Variants in CPED1 observed in about 807,000 individuals in gnomAD.
The protein encoded by CPED1 is cadherin-like and PC-esterase domain-containing protein 1.
CPED1 carries 114 observed loss-of-function variants against 128.2 expected under a neutral mutation model. The ratio of observed to expected loss-of-function variants is 0.89; its 90% CI spans 0.76 to 1.04. The LOEUF is 1.04. CPED1 is among the 50% of genes least tolerant of loss of function. The pLI, the probability that CPED1 is intolerant of heterozygous loss-of-function variation, is 0.00. For missense variants in CPED1, 1,211 were observed against 1,207.1 expected, an observed-to-expected ratio of 1.00 and a Z score of -0.05; for synonymous variants, 462 against 426.7, an observed-to-expected ratio of 1.08 and a Z score of -1.02.
intron 18 of CPED1, among the ~76,000 whole-genome samples, chr7:121,244,713 C>T (rs1798483655): frequency 6.6e-6 from 1 of 152,356 alleles, no homozygotes; most frequent in South Asian, 2.1e-4. Context: ...GCTGTGAAAA[C>T]AGACATCTGC....
intron 16 of CPED1, among the ~76,000 whole-genome samples, chr7:121,188,298 T>C (rs931489669): frequency 6.6e-6 from 1 of 152,116 alleles, no homozygotes; most frequent in Admixed American, 6.6e-5. Flanking sequence ...GGGTACATAG[T>C]AGGTATATAT....
At chr7:121,039,903 T>G (rs1409735417) in intron 3 of CPED1, among the ~76,000 whole-genome samples, 9 of 152,116 alleles carry the variant, frequency 5.9e-5, no homozygotes, top group Non-Finnish European at 1.5e-5. Flanking sequence ...TAATGTCACT[T>G]TCTTGAACCT....
chr7:120,999,529 T>G (rs1447147825), intron 2 of CPED1, among the ~76,000 whole-genome samples: 1 of 152,172 alleles, frequency 6.6e-6, no homozygotes, highest in African/African-American at 2.4e-5. Context: ...TTTAACAGAT[T>G]GATCCTACCT....
chr7:120,994,607 T>C (rs930419055), intron 2 of CPED1, among the ~76,000 whole-genome samples: 10 of 149,910 alleles, frequency 6.7e-5, no homozygotes, highest in African/African-American at 2.5e-4. Flanking sequence ...ATTTGGAGAA[T>C]TCAAAGTATT....
At chr7:121,011,209 GA>G (rs148201816) in intron 2 of CPED1, among the ~76,000 whole-genome samples, 3,659 of 146,150 alleles carry the variant, frequency 0.025, 96 homozygotes, top group African/African-American at 0.065. Context: ...TCTGCTATGT[GA>G]AAAAAAAAAC....
chr7:121,174,746 TC>T (rs1253032378), intron 16 of CPED1, among the ~76,000 whole-genome samples: 7 of 152,166 alleles, frequency 4.6e-5, no homozygotes, highest in African/African-American at 1.7e-4. Flanking sequence ...AATAGTTTTT[TC>T]TAGTTCTATG....
intron 22 of CPED1, among the ~76,000 whole-genome samples, chr7:121,277,559 G>A (rs1414566715): frequency 3.9e-5 from 6 of 152,078 alleles, no homozygotes; most frequent in South Asian, 2.1e-4. Flanking sequence ...TTGCCTACAC[G>A]TCATCGACAA....
At chr7:121,027,719 C>T (rs965208285) in intron 3 of CPED1, among the ~76,000 whole-genome samples, 4 of 148,166 alleles carry the variant, frequency 2.7e-5, no homozygotes, top group African/African-American at 1.0e-4. Context: ...AGAATTCCAC[C>T]AACAAGTTAA....
chr7:121,219,378 G>A (rs1308626347), intron 16 of CPED1, among the ~76,000 whole-genome samples: 1 of 151,920 alleles, frequency 6.6e-6, no homozygotes, highest in African/African-American at 2.4e-5. Context: ...TCAGCAAGCA[G>A]GACCACATTG....
intron 3 of CPED1, among the ~76,000 whole-genome samples, chr7:121,022,988 T>C (rs1473443537): frequency 6.6e-6 from 1 of 152,002 alleles, no homozygotes; most frequent in Non-Finnish European, 1.5e-5. Flanking sequence ...CAGTAAATCA[T>C]TGTTTTACTT....
chr7:121,263,587 A>G (rs1792061025), intron 18 of CPED1, among the ~76,000 whole-genome samples: 1 of 152,040 alleles, frequency 6.6e-6, no homozygotes, highest in Admixed American at 6.6e-5. Context: ...AGTACCTAAG[A>G]ATTCTGAAAC....
Position 121,267,236 on chromosome 7 carries a change from A to G in CPED1, c.2655A>G (p.Leu885=), listed in dbSNP as rs765483015. 1.1e-5 allele frequency: 18 copies of G among 1,595,784 alleles called. No homozygotes were observed. Among genetic ancestry groups the G allele is most frequent in the Non-Finnish European group, 1.5e-5 (17 of 1,166,188 alleles). ...VLKRENLLNI[L]VIIKTLGIGF... ...TCAGGGAAAATTTACTCAATATCCT[A>G]GTGATCATCAAAACTTTGGGAATTG... Residue 885 remains leucine (L), a synonymous_variant, in exon 21 of 23, where the codon CTA becomes CTG. Transcript: ENST00000310396.
At chr7:121,081,032 A>G (rs1489519103) in intron 5 of CPED1, among the ~76,000 whole-genome samples, 2 of 152,154 alleles carry the variant, frequency 1.3e-5, no homozygotes, top group African/African-American at 2.4e-5. Flanking sequence ...AATGCACAGA[A>G]CTCCATAAAT....
intron 5 of CPED1, among the ~76,000 whole-genome samples, chr7:121,092,305 A>G (rs1458452602): frequency 6.6e-6 from 1 of 152,238 alleles, no homozygotes; most frequent in East Asian, 1.9e-4. Context: ...AGTTTGCCTT[A>G]TACAAATCCA....
At chr7:121,048,061 T>C (rs1793261872) in intron 4 of CPED1, among the ~76,000 whole-genome samples, 1 of 152,122 alleles carries the variant, frequency 6.6e-6, no homozygotes, top group Admixed American at 6.6e-5. Flanking sequence ...TTTCTGGCCA[T>C]TCCTCCTCTG....
chr7:121,071,627 T>G (rs1022906845), intron 5 of CPED1, among the ~76,000 whole-genome samples: 6 of 152,058 alleles, frequency 3.9e-5, no homozygotes, highest in African/African-American at 7.2e-5. Context: ...ATGATCCTTC[T>G]GCCTCCACCT....
At chr7:121,068,413 T>A (rs1038144407) in intron 5 of CPED1, among the ~76,000 whole-genome samples, 185 of 152,032 alleles carry the variant, frequency 1.2e-3, no homozygotes, top group Non-Finnish European at 2.5e-3. Flanking sequence ...TTGTCAAAGA[T>A]CAGATAGTTG....
chr7:121,042,681 G>C (rs1563002952), intron 3 of CPED1, among the ~76,000 whole-genome samples: 1 of 152,146 alleles, frequency 6.6e-6, no homozygotes, highest in Non-Finnish European at 1.5e-5. Flanking sequence ...TAACCTTTCT[G>C]TGCCTGTAAA....
chr7:121,174,546 T>TA (rs1427002014), intron 16 of CPED1, among the ~76,000 whole-genome samples: 1 of 152,044 alleles, frequency 6.6e-6, no homozygotes, highest in African/African-American at 2.4e-5. Flanking sequence ...TGTGCAGTCC[T>TA]ATTTCTGGGC....
Sources: allele counts gnomAD v4.1 joint callset (sites outside exome capture counted in the v4.1 genomes callset), GRCh38; gene constraint gnomAD v4.1.1; transcripts MANE v1.5; gene names NCBI Gene and HGNC (gene_info 2026-07-23, HGNC 2026-07-21).